Variants in ERICH6 observed in about 807,000 individuals in gnomAD.
The protein encoded by ERICH6 is glutamate-rich protein 6.
A neutral mutation model predicts 71.0 loss-of-function variants in ERICH6; 71 were observed. The ratio of observed to expected loss-of-function variants is 1.00; its 90% confidence interval spans 0.83 to 1.22. The LOEUF is 1.22. Among genes scored for constraint, ERICH6 ranks in the 50% most tolerant of loss-of-function variants. The pLI is 0.00. For synonymous variants in ERICH6, 262 were observed against 278.4 expected (o/e 0.94, Z 0.59); for missense variants, 808 against 797.2 (o/e 1.01, Z -0.16).
intron 12 of ERICH6, among the ~76,000 whole-genome samples, chr3:150,668,220 T>C (rs2272085): frequency 6.6e-6 from 1 of 152,326 alleles, no homozygotes; most frequent in East Asian, 1.9e-4. Context: ...GTCTACACTA[T>C]GTACAGATGT....
chr3:150,663,861 A>C (rs190640549), intron 13 of ERICH6, among the ~76,000 whole-genome samples: 1 of 152,150 alleles, frequency 6.6e-6, no homozygotes, highest in Non-Finnish European at 1.5e-5. Flanking sequence ...AGTTCATAGG[A>C]GATCTACCTG....
chr3:150,672,789 C>T (rs1711518317), intron 11 of ERICH6, among the ~76,000 whole-genome samples: 1 of 151,806 alleles, frequency 6.6e-6, no homozygotes, highest in Non-Finnish European at 1.5e-5. Flanking sequence ...ATTTGGGAGA[C>T]TGGGGTGGGA....
At chr3:150,678,055 C>T (rs1281936614) in intron 10 of ERICH6, among the ~76,000 whole-genome samples, 1 of 152,048 alleles carries the variant, frequency 6.6e-6, no homozygotes, top group Admixed American at 6.6e-5. Flanking sequence ...TCTAAATAGC[C>T]AAATGTAGTA....
At chr3:150,699,015 AT>A in intron 2 of ERICH6, 133 bp from the exon 3 acceptor site, 1 of 645,934 alleles carries the variant, frequency 1.5e-6, no homozygotes, top group South Asian at 2.0e-5. Flanking sequence ...ATTTTCTTCC[AT>A]TTTTATCTTT....
In ERICH6 at chr3:150,695,645, C is replaced by T. The variant is rs192532892; in HGVS notation, c.553+3146G>A. 9.7e-4 allele frequency among the ~76,000 whole-genome samples: 148 copies of T among 151,988 alleles called. 2 individuals carry two copies. Among genetic ancestry groups the T allele is most frequent in the Admixed American group, 2.8e-3 (43 of 15,256 alleles). Reference sequence around the variant, plus strand: ...ATCGCGCCACTCCACTCCAGCCTGGCGACAGAGCGAGACTTCGTCTCAAAA... The same window carrying T: ...ATCGCGCCACTCCACTCCAGCCTGGTGACAGAGCGAGACTTCGTCTCAAAA... On this transcript the variant is annotated intron_variant, in intron 3 of 13. Transcript: ENST00000295910.
Position 150,703,904 on chromosome 3 carries a change from G to T in ERICH6, c.-6C>A, listed in dbSNP as rs1713078834. 1 of 1,612,900 alleles carries T rather than the reference G, an allele frequency of 6.2e-7. No individual in the cohort carries two copies. Among genetic ancestry groups the T allele is most frequent in the African/African-American group, 1.3e-5 (1 of 74,940 alleles). ...GGCGAGCGCAAGTGGGCCATGGCTGGCGGGAGGCGGGATTACAGCCAGCTC... is the reference window on the plus strand; with the variant it reads ...GGCGAGCGCAAGTGGGCCATGGCTGTCGGGAGGCGGGATTACAGCCAGCTC... On this transcript the variant is annotated 5_prime_UTR_variant, in exon 1 of 14. Coordinates refer to ENST00000295910, the MANE Select transcript of ERICH6 (RefSeq NM_152394.5).
chr3:150,703,841 CCTT>C lies in ERICH6; in HGVS notation c.55_57del (p.Lys19del). 2 of 1,613,992 alleles carry C rather than the reference CCTT, an allele frequency of 1.2e-6. No homozygotes were observed. Among genetic ancestry groups the C allele is most frequent in the Non-Finnish European group, 1.7e-6 (2 of 1,179,978 alleles). ...TCCTCCTCTAACTCCTCCTCTGACT[CCTT>C]CTGGTCCTTCTTCCCCGGGTCTCCG... On this transcript the variant is annotated inframe_deletion, in exon 1 of 14. Coordinates refer to ENST00000295910, the MANE Select transcript of ERICH6 (RefSeq NM_152394.5).
chr3:150,665,088 T>C (rs1727358396), intron 13 of ERICH6, among the ~76,000 whole-genome samples: 1 of 152,082 alleles, frequency 6.6e-6, no homozygotes, highest in East Asian at 1.9e-4. Flanking sequence ...GGATGTAATG[T>C]AACAAAAGGA....
rs56710019 is a variant in ERICH6 at position 150,695,497 on chromosome 3, TA to T, written c.553+3293del. Among the ~76,000 whole-genome samples, 372 of 142,482 alleles carry T rather than the reference TA, an allele frequency of 2.6e-3. 2 individuals carry two copies. The highest frequency in any genetic ancestry group is 0.023 in the East Asian group (116 of 4,960). 93.5% of individuals were successfully genotyped at this position (142,482 alleles called of 152,430 possible). A position where few individuals can be genotyped will look rare whatever the true frequency, so the allele number is the denominator to read the frequency against. On this transcript the variant is annotated intron_variant, in intron 3 of 13. Coordinates refer to ENST00000295910, the MANE Select transcript of ERICH6 (RefSeq NM_152394.5). ...CAACGTGGTGAAACCCCATCTCTAC[TA>T]AAAAAAAAAAAATACAAAAATTAGC...
chr3:150,666,921 AGGGTG>A lies in ERICH6; in HGVS notation c.1589_1593del (p.Ser530PhefsTer5). 1 of 1,614,202 alleles carries A rather than the reference AGGGTG, an allele frequency of 6.2e-7. No individual in the cohort carries two copies. The highest frequency in any genetic ancestry group is 8.5e-7 in the Non-Finnish European group (1 of 1,180,046). On this transcript the variant is annotated frameshift_variant, in exon 13 of 14. Coordinates refer to ENST00000295910, the MANE Select transcript of ERICH6 (RefSeq NM_152394.5). LOFTEE classifies it high-confidence loss of function. ...AGAAAGACAGGTTTAAATGAAACAA[AGGGTG>A]AGGAAGTGATGGAATTTGACCAATT... is the stretch of plus-strand genomic sequence containing the variant.
chr3:150,699,155 A>G (rs772209954), intron 2 of ERICH6, among the ~76,000 whole-genome samples: 1 of 151,964 alleles, frequency 6.6e-6, no homozygotes, highest in Non-Finnish European at 1.5e-5. Context: ...TATAAAACAT[A>G]AAAAAATTAG....
In ERICH6 at chr3:150,686,298, C is replaced by T. The variant is rs888888175; in HGVS notation, c.610G>A (p.Glu204Lys). 4 of 1,614,080 alleles carry T rather than the reference C, an allele frequency of 2.5e-6. No homozygotes were observed. In the Admixed American group the frequency reaches 5.0e-5, roughly 20 times the overall value. Reference protein sequence around the residue: ...EPECLASKLREKWVINPEESK... With the variant: ...EPECLASKLRKKWVINPEESK... ...GAGATGATGCCAAACATGTATTTAC[C>T]TCTTAACTTAGATGCCAGACATTCA... Residue 204 changes from glutamate to lysine, a missense_variant and splice_region_variant, in exon 4 of 14, where the codon GAA becomes AAA. Glu to Lys is a moderately conservative substitution (Grantham distance 56). Around this residue, in one of 3 missense-constraint regions of ERICH6, gnomAD observed 736 missense variants for 712.2 expected, o/e 1.03. Transcript: ENST00000295910.
At chr3:150,682,459 C>A in intron 6 of ERICH6, 143 bp from the exon 7 acceptor site, 6 of 617,172 alleles carry the variant, frequency 9.7e-6, no homozygotes, top group Admixed American at 2.9e-5. Flanking sequence ...ATATCACTTC[C>A]ATTTAAGGGC....
At chr3:150,702,940 G>C (rs538837287) in intron 1 of ERICH6, among the ~76,000 whole-genome samples, 1 of 132,194 alleles carries the variant, frequency 7.6e-6, no homozygotes, top group African/African-American at 2.8e-5. Context: ...GAGAGGGAGA[G>C]AGAAAGAGAG....
intron 3 of ERICH6, among the ~76,000 whole-genome samples, chr3:150,694,688 T>C (rs942942128): frequency 6.6e-6 from 1 of 152,160 alleles, no homozygotes; most frequent in African/African-American, 2.4e-5. Context: ...CTGTCTTACT[T>C]CTCTTCTGGG....
At chr3:150,686,105 C>T in intron 4 of ERICH6, 84 bp from the exon 5 acceptor site, 13 of 1,265,258 alleles carry the variant, frequency 1.0e-5, no homozygotes, top group Non-Finnish European at 1.5e-5. Context: ...GATTCACACC[C>T]ACCATCATCC....
rs370800168 is a variant in ERICH6, at chr3:150,681,052, T to G, written c.883-122A>C. On this transcript the variant is annotated intron_variant, in intron 7 of 13. Transcript: ENST00000295910. ...ATAAGTTTTTATTCTGGTAATAGCT[T>G]TATTAAGATATAATTCACATACCAT... is the stretch of plus-strand genomic sequence containing the variant. 137 of 998,556 alleles carry G rather than the reference T, an allele frequency of 1.4e-4. No individual in the cohort carries two copies. The South Asian group carries it at 2.9e-3, about 21-fold the overall frequency. 61.9% of individuals were successfully genotyped at this position (998,556 alleles called of 1,614,324 possible).
intron 2 of ERICH6, among the ~76,000 whole-genome samples, chr3:150,700,132 T>C (rs572658251): frequency 1.8e-4 from 27 of 151,880 alleles, no homozygotes; most frequent in Admixed American, 1.8e-3. Flanking sequence ...TGGAGTGCAG[T>C]GGTGCGATCT....
At chr3:150,680,709 T>C in intron 8 of ERICH6, 64 bp downstream of exon 8, 2 of 1,561,944 alleles carry the variant, frequency 1.3e-6, no homozygotes, top group Non-Finnish European at 1.7e-6. Context: ...ATGAGGTTCA[T>C]TTACAAAACG....
Sources: allele counts gnomAD v4.1 joint callset (sites outside exome capture counted in the v4.1 genomes callset), GRCh38; gene constraint gnomAD v4.1.1; regional missense constraint gnomAD v4.1.1; transcripts MANE v1.5; gene names NCBI Gene and HGNC (gene_info 2026-07-23, HGNC 2026-07-21).